The following ANKRD36C variants were observed in gnomAD, a reference collection of about 807,000 sequenced individuals.
ANKRD36C encodes ankyrin repeat domain-containing protein 36C.
In ANKRD36C, 61 loss-of-function variants were observed where a neutral mutation model predicts 276.4. The observed-to-expected ratio is 0.22, with a 90% CI of 0.18 to 0.27. The LOEUF (loss-of-function observed/expected upper bound fraction) is 0.27. Ranked by LOEUF, ANKRD36C falls within the 10% of genes least tolerant of loss-of-function variation. The pLI, the probability that ANKRD36C is intolerant of heterozygous loss-of-function variation, is 1.00. For missense variants in ANKRD36C, 1,447 were observed against 2,032.3 expected, an observed-to-expected ratio of 0.71 and a Z score of 5.54; for synonymous variants, 483 against 680.1, an observed-to-expected ratio of 0.71 and a Z score of 4.51.
At chr2:95,919,667 A>T in intron 34 of ANKRD36C, 66 bp downstream of exon 36, 12 of 399,476 alleles carry the variant, frequency 3.0e-5, no homozygotes, top group Non-Finnish European at 3.3e-5. Flanking sequence ...CCGCTGATTT[A>T]TTCGGGATAG....
At chr2:95,974,938 A>G (rs890189003) in intron 6 of ANKRD36C, among the ~76,000 whole-genome samples, 4 of 151,642 alleles carry the variant, frequency 2.6e-5, no homozygotes, top group African/African-American at 9.7e-5. Flanking sequence ...TTTGCTTAGA[A>G]TGATGGTTTC....
At chr2:95,867,245 G>A (rs1050899203) in intron 60 of ANKRD36C, among the ~76,000 whole-genome samples, 195 bp downstream of exon 80, 11 of 152,166 alleles carry the variant, frequency 7.2e-5, no homozygotes, top group African/African-American at 2.7e-4. Flanking sequence ...ACTGAGAAAA[G>A]TACAGTGAAA....
chr2:95,930,677 G>C (rs1262115495), intron 24 of ANKRD36C, among the ~76,000 whole-genome samples: 1 of 151,038 alleles, frequency 6.6e-6, no homozygotes, highest in Admixed American at 6.6e-5. Context: ...TGTCATGATT[G>C]TCATGATTAT....
chr2:95,895,663 T>A (rs1423524284), intron 44 of ANKRD36C, 73 bp from the exon 61 acceptor site: 2 of 1,564,404 alleles, frequency 1.3e-6, no homozygotes, highest in Admixed American at 3.5e-5. Flanking sequence ...CACACAGTGT[T>A]AGCATCAACC....
chr2:95,964,251 T>C (rs1201454634), intron 6 of ANKRD36C, among the ~76,000 whole-genome samples: 1 of 150,710 alleles, frequency 6.6e-6, no homozygotes, highest in Non-Finnish European at 1.5e-5. Flanking sequence ...ACGAAGCACA[T>C]ATCATTGATG....
chr2:95,942,634 C>T (rs952116480), intron 19 of ANKRD36C, among the ~76,000 whole-genome samples: 2 of 152,300 alleles, frequency 1.3e-5, no homozygotes, highest in African/African-American at 4.8e-5. Context: ...CTACTTATGC[C>T]ATAAAGATAA....
rs572905788 is a variant in ANKRD36C, at chr2:95,910,521, T to C, written c.2653+1723A>G. On this transcript the variant is annotated intron_variant, in intron 42 of 66. Coordinates refer to ENST00000456556, the Ensembl canonical transcript of ANKRD36C. ...ACCATACATTAACTCGTTCACAATA[T>C]AAATGAGAGTTTCATTACCTTCAAG... The C allele has an allele frequency of 8.1e-6, 13 of 1,606,202 alleles. No individual in the cohort carries two copies. The highest frequency in any genetic ancestry group is 1.0e-5 in the Non-Finnish European group (12 of 1,176,568).
At chr2:95,986,282 G>C (rs917602329) in intron 3 of ANKRD36C, among the ~76,000 whole-genome samples, 1 of 151,868 alleles carries the variant, frequency 6.6e-6, no homozygotes, top group African/African-American at 2.4e-5. Flanking sequence ...TTCCACAGAG[G>C]AATCACTTTC....
intron 40 of ANKRD36C, among the ~76,000 whole-genome samples, chr2:95,913,585 A>G (rs1440131004): frequency 6.6e-6 from 1 of 151,458 alleles, no homozygotes; most frequent in African/African-American, 2.4e-5. Flanking sequence ...GAGTTCACTC[A>G]GGTTTCCTCA....
At chr2:95,886,172 A>G in intron 51 of ANKRD36C, 44 bp downstream of exon 71, 1 of 1,543,492 alleles carries the variant, frequency 6.5e-7, no homozygotes, top group South Asian at 1.2e-5. Flanking sequence ...ATATTCATAG[A>G]CTATACAGTT....
intron 34 of ANKRD36C, chr2:95,919,904 T>A (rs1410760215): frequency 6.5e-7 from 1 of 1,546,366 alleles, no homozygotes; most frequent in South Asian, 1.1e-5. Flanking sequence ...TCAAGGCTGG[T>A]TGTTTCTGAG....
intron 61 of ANKRD36C, among the ~76,000 whole-genome samples, chr2:95,859,636 A>G (rs1406305337): frequency 2.6e-5 from 4 of 152,204 alleles, no homozygotes; most frequent in African/African-American, 7.2e-5. Flanking sequence ...AAAATTCTAT[A>G]CAGCCATTAA....
intron 34 of ANKRD36C, among the ~76,000 whole-genome samples, chr2:95,918,557 C>G (rs556098493): frequency 2.6e-5 from 4 of 151,750 alleles, no homozygotes; most frequent in Non-Finnish European, 5.9e-5. Context: ...GTGGAAGTGT[C>G]CTAAATTGAT....
intron 36 of ANKRD36C, among the ~76,000 whole-genome samples, chr2:95,917,524 T>C (rs888096988): frequency 5.9e-5 from 9 of 151,488 alleles, no homozygotes; most frequent in African/African-American, 1.7e-4. Context: ...TTCCTCTCTT[T>C]CTCCTTCCAC....
intron 44 of ANKRD36C, among the ~76,000 whole-genome samples, chr2:95,892,724 T>C (rs1366950573): frequency 6.6e-6 from 1 of 151,160 alleles, no homozygotes; most frequent in African/African-American, 2.4e-5. Context: ...TTGTTGGGAG[T>C]ATCACGTTGT....
chr2:95,988,251 A>T (rs1273052301), intron 1 of ANKRD36C, among the ~76,000 whole-genome samples: 1 of 152,100 alleles, frequency 6.6e-6, no homozygotes, highest in Non-Finnish European at 1.5e-5. Context: ...ATGAATAGGT[A>T]TGGCTCATTT....
intron 52 of ANKRD36C, among the ~76,000 whole-genome samples, chr2:95,884,816 G>A (rs1325744840): frequency 6.9e-6 from 1 of 144,508 alleles, no homozygotes; most frequent in Non-Finnish European, 1.5e-5. Context: ...CCCGATAACA[G>A]AGAAGGTACA....
At chr2:95,892,966 T>G (rs543341261) in intron 44 of ANKRD36C, among the ~76,000 whole-genome samples, 37 of 150,978 alleles carry the variant, frequency 2.5e-4, no homozygotes, top group African/African-American at 8.5e-4. Flanking sequence ...AAATCAAGTA[T>G]TTTTTATTAA....
intron 59 of ANKRD36C, among the ~76,000 whole-genome samples, chr2:95,869,590 A>G (rs536990654): frequency 6.6e-6 from 1 of 152,372 alleles, no homozygotes; most frequent in African/African-American, 2.4e-5. Context: ...GCGACGCAGA[A>G]GATGGGTGGT....
Sources: allele counts gnomAD v4.1 joint callset (sites outside exome capture counted in the v4.1 genomes callset), GRCh38; gene constraint gnomAD v4.1.1; transcripts MANE v1.5; gene names NCBI Gene and HGNC (gene_info 2026-07-23, HGNC 2026-07-21).